Variants in USP6NL observed in about 807,000 individuals in gnomAD.
USP6NL encodes the protein USP6 N-terminal like, also known as USP6 N-terminal-like protein.
USP6NL carries 26 observed loss-of-function variants against 61.9 expected under a neutral mutation model. That is an observed-to-expected ratio of 0.42 (90% CI 0.31 to 0.58). The LOEUF (loss-of-function observed/expected upper bound fraction) is 0.58. Ranked by LOEUF, USP6NL falls within the 20% of genes least tolerant of loss-of-function variation. The pLI is 0.16. For synonymous variants in USP6NL, 432 were observed against 390.1 expected (o/e 1.11, Z -1.27); for missense variants, 1,114 against 1,034.3 (o/e 1.08, Z -1.06).
chr10:11,492,648 T>G (rs1449905104), intron 8 of USP6NL, among the ~76,000 whole-genome samples: 1 of 152,248 alleles, frequency 6.6e-6, no homozygotes, highest in Non-Finnish European at 1.5e-5. Context: ...TGTTTCCTGA[T>G]TAGACTCTCT....
At chr10:11,551,831 T>C (rs1470636411) in intron 2 of USP6NL, among the ~76,000 whole-genome samples, 1 of 152,234 alleles carries the variant, frequency 6.6e-6, no homozygotes, top group African/African-American at 2.4e-5. Context: ...TATTTCACTG[T>C]AATTTTGTAT....
Position 11,561,299 on chromosome 10 carries a change from C to T in USP6NL, c.5-33732G>A, listed in dbSNP as rs1836921851. On this transcript the variant is annotated intron_variant, in intron 2 of 14. Transcript: ENST00000609104. This position sits in a 1 kb window ranked among gnomAD's most constrained non-coding sequence, Gnocchi z 4.1. ...AAGAAAAGTGAACTCTCTTCCTCTA[C>T]ACCCCTTCCCAAATGAACCCTCTAA... Among the ~76,000 whole-genome samples, 1 of 152,186 alleles carries T rather than the reference C, an allele frequency of 6.6e-6. No individual in the cohort carries two copies. Among genetic ancestry groups the T allele is most frequent in the Admixed American group, 6.5e-5 (1 of 15,274 alleles).
intron 2 of USP6NL, among the ~76,000 whole-genome samples, chr10:11,544,003 G>A (rs1836173811): frequency 6.6e-6 from 1 of 151,850 alleles, no homozygotes; most frequent in Non-Finnish European, 1.5e-5. Flanking sequence ...AGTAGAGACA[G>A]AGTTTCACCG....
chr10:11,473,726 G>C (rs1168216814), intron 14 of USP6NL, among the ~76,000 whole-genome samples: 1 of 152,046 alleles, frequency 6.6e-6, no homozygotes, highest in Non-Finnish European at 1.5e-5. Context: ...TTCCTCCTTG[G>C]TAAGCTACTA....
chr10:11,528,623 C>A lies in USP6NL; in HGVS notation c.5-1056G>T, dbSNP rs987959735. Among the ~76,000 whole-genome samples the A allele has an allele frequency of 6.6e-6, 1 of 152,180 alleles. No homozygotes were observed. Among genetic ancestry groups the A allele is most frequent in the African/African-American group, 2.4e-5 (1 of 41,422 alleles). ...TTTTCAAATCCAGACAGTCTTGACT[C>A]CACAGCCCACAATTTTAATTACTAT... On this transcript the variant is annotated intron_variant, in intron 2 of 14. Coordinates refer to ENST00000609104, the MANE Select transcript of USP6NL (RefSeq NM_014688.5). This position sits in a 1 kb window ranked among gnomAD's most constrained non-coding sequence, Gnocchi z 4.6.
chr10:11,588,967 C>A (rs1588415494), intron 2 of USP6NL, among the ~76,000 whole-genome samples: 1 of 152,134 alleles, frequency 6.6e-6, no homozygotes, highest in East Asian at 1.9e-4. Context: ...ACCAAAAGTA[C>A]AAAGTTTCCA....
chr10:11,462,758 T>C lies in USP6NL; in HGVS notation c.2170A>G (p.Ile724Val). The change falls in exon 15 of 15, where the codon ATT becomes GTT. Residue 724 changes from isoleucine to valine, a missense_variant. By Grantham distance (29) the Ile-to-Val change is conservative. Coordinates refer to ENST00000609104, the MANE Select transcript of USP6NL (RefSeq NM_014688.5). ...SGSPKNGKLI[I>V]PPVDYLPDNR... ...TCTGGCAAGTAATCCACTGGTGGAA[T>C]GATCAATTTTCCATTCTTTGGTGAC... is the stretch of plus-strand genomic sequence containing the variant. 2 of 1,614,038 alleles carry C rather than the reference T, an allele frequency of 1.2e-6. No individual in the cohort carries two copies. Among genetic ancestry groups the C allele is most frequent in the Non-Finnish European group, 1.7e-6 (2 of 1,179,892 alleles).
Position 11,490,700 on chromosome 10 carries a change from G to T in USP6NL, c.543+132C>A. The T allele has an allele frequency of 2.3e-6, 2 of 882,392 alleles. No individual in the cohort carries two copies. The highest frequency in any genetic ancestry group is 2.8e-5 in the East Asian group (1 of 35,478). 54.7% of individuals were successfully genotyped at this position (882,392 alleles called of 1,614,324 possible). On this transcript the variant is annotated intron_variant, in intron 9 of 14. Coordinates refer to ENST00000609104, the MANE Select transcript of USP6NL (RefSeq NM_014688.5). This position sits in a 1 kb window ranked among gnomAD's most constrained non-coding sequence, Gnocchi z 4.5. Reference sequence around the variant, plus strand: ...TTATCACAGGGTTTCAGCTTAAAAAGATCCACAGAGCTAAAGAGACCATGG... The same window carrying T: ...TTATCACAGGGTTTCAGCTTAAAAATATCCACAGAGCTAAAGAGACCATGG...
intron 7 of USP6NL, among the ~76,000 whole-genome samples, chr10:11,494,297 C>T (rs1281502567): frequency 6.6e-6 from 1 of 152,144 alleles, no homozygotes; most frequent in African/African-American, 2.4e-5. Context: ...CATTTCAGTA[C>T]TGGGTTTGGA....
At position 11,589,373 on chromosome 10, in the gene USP6NL, T is replaced by C. The variant is rs913773602; in HGVS notation, c.4+8258A>G. Among the ~76,000 whole-genome samples, 1 of 152,186 alleles carries C rather than the reference T, an allele frequency of 6.6e-6. No individual in the cohort carries two copies. Among genetic ancestry groups the C allele is most frequent in the African/African-American group, 2.4e-5 (1 of 41,448 alleles). Reference sequence around the variant, plus strand: ...ACAGTTTGCAATGCTCTTCCAACACTGGTAATAGCTGGTTCCTCCTCCCCT... The same window carrying C: ...ACAGTTTGCAATGCTCTTCCAACACCGGTAATAGCTGGTTCCTCCTCCCCT... On this transcript the variant is annotated intron_variant, in intron 2 of 14. Coordinates refer to ENST00000609104, the MANE Select transcript of USP6NL (RefSeq NM_014688.5). The surrounding 1 kb of genome is among the most constrained non-coding windows in gnomAD (Gnocchi z 4.7).
chr10:11,525,468 C>T lies in USP6NL; in HGVS notation c.73G>A (p.Gly25Arg), dbSNP rs1178544904. The change falls in exon 4 of 15, where the codon GGA (glycine) becomes AGA (arginine). Residue 25 changes from glycine (G) to arginine (R), a missense_variant and splice_region_variant. By Grantham distance (125) the Gly-to-Arg change is moderately radical (BLOSUM62 -2). Transcript: ENST00000609104. This position sits in a 1 kb window ranked among gnomAD's most constrained non-coding sequence, Gnocchi z 5.0. ...RAEIVAKYDR[G>R]REGAEIEPWE... is the part of the protein sequence containing the mutation. The stretch of plus-strand genomic sequence containing the variant: ...GGTTCAATCTCTGCACCTTCTCGTC[C>T]CTAAAATAAGGCACAAAAAAAGGTG... 1.3e-6 allele frequency: 2 copies of T among 1,572,570 alleles called. No homozygotes were observed.
chr10:11,603,532 C>T (rs971044837), intron 1 of USP6NL, among the ~76,000 whole-genome samples: 13 of 152,052 alleles, frequency 8.5e-5, no homozygotes, highest in African/African-American at 3.1e-4. Flanking sequence ...TCCAGACTGC[C>T]AACTGTAACA....
intron 1 of USP6NL, among the ~76,000 whole-genome samples, chr10:11,608,906 T>C (rs921272697): frequency 6.6e-6 from 1 of 152,218 alleles, no homozygotes; most frequent in Admixed American, 6.5e-5. Context: ...TTAAATCTCA[T>C]GTACTACATG....
intron 2 of USP6NL, among the ~76,000 whole-genome samples, chr10:11,539,075 C>T (rs11257161): frequency 0.11 from 17,220 of 152,222 alleles, 1,293 homozygotes; most frequent in East Asian, 0.16. Flanking sequence ...GGCAGAAGGA[C>T]ATGTGGGGTC....
chr10:11,501,286 ATTTG>A, intron 6 of USP6NL, 78 bp from the exon 7 acceptor site: 5 of 1,112,834 alleles, frequency 4.5e-6, no homozygotes, highest in Non-Finnish European at 6.4e-6. Flanking sequence ...TCTTGCTAAT[ATTTG>A]TTAGCATTGT....
At chr10:11,541,190 ATAAG>A (rs1391423347) in intron 2 of USP6NL, among the ~76,000 whole-genome samples, 85 of 141,904 alleles carry the variant, frequency 6.0e-4, no homozygotes, top group Non-Finnish European at 1.1e-3. Context: ...AACTTATATA[ATAAG>A]TAAGATTTAT....
intron 7 of USP6NL, among the ~76,000 whole-genome samples, chr10:11,500,266 A>G (rs1834121113): frequency 6.6e-6 from 1 of 152,124 alleles, no homozygotes; most frequent in South Asian, 2.1e-4. Flanking sequence ...GCAAACCACC[A>G]TGGCATGGCA....
At chr10:11,599,369 G>T (rs1426217499) in intron 1 of USP6NL, among the ~76,000 whole-genome samples, 1 of 152,120 alleles carries the variant, frequency 6.6e-6, no homozygotes, top group Admixed American at 6.5e-5. Context: ...CTCCTAAATG[G>T]TAACATTAAA....
rs1838089948 is a variant in USP6NL at position 11,589,521 on chromosome 10, T to C, written c.4+8110A>G. 6.6e-6 allele frequency among the ~76,000 whole-genome samples: 1 copy of C among 152,172 alleles called. No individual in the cohort carries two copies. The highest frequency in any genetic ancestry group is 1.5e-5 in the Non-Finnish European group (1 of 68,034). ...AATTTACATAAAAACTTAATACATA[T>C]ATACATGTTAGCTTTTACAAATTTC... On this transcript the variant is annotated intron_variant, in intron 2 of 14. Coordinates refer to ENST00000609104, the MANE Select transcript of USP6NL (RefSeq NM_014688.5). The surrounding 1 kb of genome is among the most constrained non-coding windows in gnomAD (Gnocchi z 4.7).
Sources: allele counts gnomAD v4.1 joint callset (sites outside exome capture counted in the v4.1 genomes callset), GRCh38; gene constraint gnomAD v4.1.1; non-coding constraint Gnocchi (gnomAD v3.1); transcripts MANE v1.5; gene names NCBI Gene and HGNC (gene_info 2026-07-23, HGNC 2026-07-21).